MTX2: variants seen among roughly 807,000 people sequenced by gnomAD.
MTX2 encodes metaxin 2, also known as metaxin-2.
A neutral mutation model predicts 42.3 loss-of-function variants in MTX2; 35 were observed. The observed-to-expected ratio is 0.83, with a 90% CI of 0.63 to 1.10. MTX2 has a LOEUF of 1.10. Ranked by LOEUF, MTX2 falls within the 50% of genes least tolerant of loss-of-function variation. The pLI is 0.00. For synonymous variants in MTX2, 119 were observed against 100.9 expected, an observed-to-expected ratio of 1.18 and a Z score of -1.08; for missense variants, 307 against 304.1, an observed-to-expected ratio of 1.01 and a Z score of -0.07.
At chr2:176,285,758 T>A (rs191030106) in intron 1 of MTX2, among the ~76,000 whole-genome samples, 1 of 152,194 alleles carries the variant, frequency 6.6e-6, no homozygotes, top group African/African-American at 2.4e-5. Context: ...CATATGGATA[T>A]GCTGCATTAT....
intron 1 of MTX2, 47 bp from the exon 2 acceptor site, chr2:176,296,813 T>TA (rs763023614): frequency 1.2e-4 from 188 of 1,586,280 alleles, no homozygotes; most frequent in Non-Finnish European, 2.9e-5. Context: ...TTGTTATTGA[T>TA]ATGTTTTTGC....
intron 3 of MTX2, among the ~76,000 whole-genome samples, chr2:176,319,461 G>A (rs1405355126): frequency 2.8e-5 from 4 of 141,844 alleles, no homozygotes; most frequent in Admixed American, 7.3e-5. Context: ...TTTTTTTTGC[G>A]TGATCATAGC....
chr2:176,330,506 A>G (rs1684836899), intron 8 of MTX2, 78 bp from the exon 9 acceptor site: 1 of 1,024,470 alleles, frequency 9.8e-7, no homozygotes, highest in Non-Finnish European at 1.4e-6. Flanking sequence ...ATAAACTGTG[A>G]TACAAGTTAC....
chr2:176,336,480 G>A (rs1479265813), intron 9 of MTX2, among the ~76,000 whole-genome samples: 1 of 152,038 alleles, frequency 6.6e-6, no homozygotes, highest in Non-Finnish European at 1.5e-5. Context: ...TGCTTTGACA[G>A]CATTTTGTTT....
At chr2:176,324,493 G>A (rs903933531) in intron 4 of MTX2, among the ~76,000 whole-genome samples, 1 of 151,540 alleles carries the variant, frequency 6.6e-6, no homozygotes, top group African/African-American at 2.4e-5. Context: ...TCATTTTTGT[G>A]TTGGTTTTAT....
chr2:176,317,288 A>T (rs1684471494), intron 3 of MTX2, among the ~76,000 whole-genome samples: 1 of 151,904 alleles, frequency 6.6e-6, no homozygotes, highest in Non-Finnish European at 1.5e-5. Flanking sequence ...ATGTTAAGAT[A>T]GTGATACTTG....
chr2:176,329,455 C>A, intron 8 of MTX2, 29 bp downstream of exon 8: 1 of 1,584,230 alleles, frequency 6.3e-7, no homozygotes, highest in South Asian at 1.2e-5. Context: ...TGACAAAACC[C>A]TCAACTTTTA....
intron 1 of MTX2, among the ~76,000 whole-genome samples, chr2:176,272,833 G>A (rs1441970700): frequency 6.6e-6 from 1 of 152,142 alleles, no homozygotes; most frequent in East Asian, 1.9e-4. Flanking sequence ...ACTATAGTGA[G>A]CATAGTTTAC....
intron 3 of MTX2, among the ~76,000 whole-genome samples, chr2:176,309,166 A>G (rs140516492): frequency 1.1e-4 from 16 of 152,260 alleles, no homozygotes; most frequent in African/African-American, 3.9e-4. Context: ...AGTCATTCAG[A>G]AGCAGGTTGT....
At chr2:176,299,375 C>A (rs1683969240) in intron 3 of MTX2, among the ~76,000 whole-genome samples, 2 of 151,912 alleles carry the variant, frequency 1.3e-5, no homozygotes, top group African/African-American at 4.8e-5. Flanking sequence ...AAAAAACTAA[C>A]GTTTTAAATA....
At chr2:176,288,978 A>G (rs1693269033) in intron 1 of MTX2, among the ~76,000 whole-genome samples, 1 of 152,058 alleles carries the variant, frequency 6.6e-6, no homozygotes, top group Non-Finnish European at 1.5e-5. Flanking sequence ...AAATAGATAC[A>G]TAATCCTAAC....
At position 176,328,884 on chromosome 2, in the gene MTX2, A is replaced by G; in HGVS notation, c.389A>G (p.Gln130Arg). 1 of 1,607,262 alleles carries G rather than the reference A, an allele frequency of 6.2e-7. No homozygotes were observed. The highest frequency in any genetic ancestry group is 2.2e-5 in the East Asian group (1 of 44,704). The change falls in exon 7 of 10, where the codon CAG (glutamine) becomes CGG (arginine). Residue 130 changes from glutamine to arginine, a missense_variant. Coordinates refer to ENST00000249442, the MANE Select transcript of MTX2 (RefSeq NM_006554.5). ...TTCTTTTGTTCCTAGCTGTATCTTC[A>G]GTGGTGTGATGAAGCTACAGTAGGG... ...NMLLTAELYL[Q>R]WCDEATVGEI...
At chr2:176,296,187 G>C (rs1683872889) in intron 1 of MTX2, among the ~76,000 whole-genome samples, 1 of 152,096 alleles carries the variant, frequency 6.6e-6, no homozygotes, top group Admixed American at 6.6e-5. Context: ...TTCATTTCAG[G>C]CCTAAAATTA....
intron 1 of MTX2, among the ~76,000 whole-genome samples, chr2:176,277,622 G>A (rs966094666): frequency 1.3e-5 from 2 of 152,072 alleles, no homozygotes; most frequent in Admixed American, 6.5e-5. Flanking sequence ...GGCTGGTCTC[G>A]AACTCCCGAC....
At chr2:176,287,546 A>G (rs1693234113) in intron 1 of MTX2, among the ~76,000 whole-genome samples, 1 of 152,192 alleles carries the variant, frequency 6.6e-6, no homozygotes, top group African/African-American at 2.4e-5. Context: ...AAATTGAAAC[A>G]CTTCTCGTGT....
rs1692742015 is a variant in MTX2 at position 176,269,540 on chromosome 2, T to A, written c.-90T>A. The A allele has an allele frequency of 1.4e-6, 2 of 1,417,974 alleles. No individual in the cohort carries two copies. The highest frequency in any genetic ancestry group is 1.9e-6 in the Non-Finnish European group (2 of 1,059,006). 87.8% of individuals were successfully genotyped at this position (1,417,974 alleles called of 1,614,324 possible). ...AGTCTGAACGTTGGCGGGGCTAGGC[T>A]CGTTAACTGCCGAGAGCCTCCGGGT... is the stretch of plus-strand genomic sequence containing the variant. On this transcript the variant is annotated 5_prime_UTR_variant, in exon 1 of 10. Transcript: ENST00000249442.
chr2:176,270,261 C>G (rs764516919), intron 1 of MTX2: 2 of 968,366 alleles, frequency 2.1e-6, no homozygotes, highest in African/African-American at 3.4e-5. Flanking sequence ...ACCTCCGCTT[C>G]CCGGGTTCAA....
At chr2:176,327,554 C>A (rs985853589) in intron 5 of MTX2, among the ~76,000 whole-genome samples, 1 of 146,994 alleles carries the variant, frequency 6.8e-6, no homozygotes, top group Admixed American at 7.0e-5. Context: ...ATATATATAT[C>A]TCCAAAATAT....
At chr2:176,276,071 AAAT>A (rs1692940347) in intron 1 of MTX2, among the ~76,000 whole-genome samples, 1 of 152,362 alleles carries the variant, frequency 6.6e-6, no homozygotes, top group Non-Finnish European at 1.5e-5. Context: ...AAAATGGTGA[AAAT>A]AATAATGTGT....
Sources: allele counts gnomAD v4.1 joint callset (sites outside exome capture counted in the v4.1 genomes callset), GRCh38; gene constraint gnomAD v4.1.1; transcripts MANE v1.5; gene names NCBI Gene and HGNC (gene_info 2026-07-23, HGNC 2026-07-21).